SYT13: variants seen among roughly 807,000 people sequenced by gnomAD.
SYT13 encodes the protein synaptotagmin 13.
Under a neutral mutation model 38.6 loss-of-function variants are expected in SYT13, and 21 were observed. The ratio of observed to expected loss-of-function variants is 0.54; its 90% CI spans 0.39 to 0.78. SYT13 has a LOEUF of 0.78. Among genes scored for constraint, SYT13 ranks in the 30% least tolerant of loss-of-function variants. The probability of loss-of-function intolerance (pLI) is 0.00; values close to 1 mark genes in which losing one functional copy is unlikely to be tolerated. For synonymous variants in SYT13, 241 were observed against 237.6 expected, an observed-to-expected ratio of 1.01 and a Z score of -0.13; for missense variants, 495 against 548.7, an observed-to-expected ratio of 0.90 and a Z score of 0.98.
chr11:45,271,184 C>A (rs1328829241), intron 1 of SYT13, among the ~76,000 whole-genome samples: 1 of 152,154 alleles, frequency 6.6e-6, no homozygotes, highest in East Asian at 1.9e-4. Context: ...CAGCTTAGGG[C>A]TCCAGGAAGC....
intron 1 of SYT13, among the ~76,000 whole-genome samples, chr11:45,269,134 T>A (rs950394370): frequency 6.6e-6 from 1 of 152,042 alleles, no homozygotes; most frequent in Non-Finnish European, 1.5e-5. Flanking sequence ...TTGGGCACCC[T>A]GAAGTCTGAC....
intron 2 of SYT13, chr11:45,254,664 T>C: frequency 5.2e-6 from 2 of 381,266 alleles, no homozygotes; most frequent in Non-Finnish European, 4.6e-6. Flanking sequence ...CCCTGCTTTA[T>C]GTTTTGTCTT....
intron 1 of SYT13, among the ~76,000 whole-genome samples, chr11:45,265,498 C>A (rs1854870981): frequency 6.6e-6 from 1 of 152,206 alleles, no homozygotes; most frequent in Non-Finnish European, 1.5e-5. Flanking sequence ...GTAGCTTCGA[C>A]AACAAATGTT....
Position 45,243,885 on chromosome 11 carries a change from T to G in SYT13, c.*167A>C. The G allele has an allele frequency of 2.8e-6, 2 of 703,106 alleles. No homozygotes were observed. The highest frequency in any genetic ancestry group is 3.8e-5 in the South Asian group (2 of 52,560). 43.6% of individuals were successfully genotyped at this position (703,106 alleles called of 1,614,324 possible). ...GACCCGCATATTCCATTTCCTGCTC[T>G]GTCTTGCTTATTTCTAAGAAACAAG... On this transcript the variant is annotated 3_prime_UTR_variant, in exon 6 of 6. Transcript: ENST00000020926.
chr11:45,270,966 C>T (rs1854942223), intron 1 of SYT13, among the ~76,000 whole-genome samples: 1 of 152,204 alleles, frequency 6.6e-6, no homozygotes, highest in Admixed American at 6.5e-5. Context: ...CTGCCAATCA[C>T]CTGTTCACCC....
At chr11:45,250,914 A>T (rs1393478345) in intron 4 of SYT13, among the ~76,000 whole-genome samples, 1 of 152,064 alleles carries the variant, frequency 6.6e-6, no homozygotes, top group African/African-American at 2.4e-5. Context: ...AGTCAGACCA[A>T]CCCGGCCTCA....
chr11:45,265,055 C>T (rs573318102), intron 1 of SYT13, among the ~76,000 whole-genome samples: 8 of 152,348 alleles, frequency 5.3e-5, no homozygotes, highest in South Asian at 2.1e-4. Flanking sequence ...CTGAGAGCAA[C>T]GTGACTCATC....
chr11:45,261,552 C>T (rs1462116575), intron 1 of SYT13, among the ~76,000 whole-genome samples: 2 of 151,700 alleles, frequency 1.3e-5, no homozygotes, highest in East Asian at 3.9e-4. Flanking sequence ...GAGCTGAGAT[C>T]GCGCCACTGC....
chr11:45,273,471 G>A (rs1175797811), intron 1 of SYT13, among the ~76,000 whole-genome samples: 1 of 148,166 alleles, frequency 6.7e-6, no homozygotes, highest in Non-Finnish European at 1.5e-5. Flanking sequence ...TGTGGAGGGG[G>A]AGAAAATGGG....
intron 1 of SYT13, among the ~76,000 whole-genome samples, chr11:45,274,065 A>T (rs1009795515): frequency 6.6e-6 from 1 of 152,138 alleles, no homozygotes; most frequent in Non-Finnish European, 1.5e-5. Flanking sequence ...TGGCTAGGAG[A>T]TGGTGGAGTC....
At chr11:45,273,713 A>G (rs1008814849) in intron 1 of SYT13, among the ~76,000 whole-genome samples, 2 of 152,242 alleles carry the variant, frequency 1.3e-5, no homozygotes, top group African/African-American at 4.8e-5. Context: ...CATAGCAGGT[A>G]TGCAAGACAT....
chr11:45,252,568 C>T lies in SYT13; in HGVS notation c.699G>A (p.Glu233=). 6.2e-7 allele frequency: 1 copy of T among 1,614,092 alleles called. No individual in the cohort carries two copies. The highest frequency in any genetic ancestry group is 8.5e-7 in the Non-Finnish European group (1 of 1,180,034). The change falls in exon 4 of 6, where the codon GAG becomes GAA. Residue 233 remains glutamate, a synonymous_variant. Transcript: ENST00000020926. The surrounding 1 kb of genome is among the most constrained non-coding windows in gnomAD (Gnocchi z 4.3). ...TCAGCGTCAGGGTGGCTGTGGGGAG[C>T]TCCTCCTCCGCCAGGGGGAGCACCA... ...EGLVLPLAEE[E]LPTATLTLTL...
intron 4 of SYT13, among the ~76,000 whole-genome samples, chr11:45,251,485 T>A (rs1215792388): frequency 6.6e-6 from 1 of 151,332 alleles, no homozygotes; most frequent in African/African-American, 2.4e-5. Context: ...GGGGCTAATA[T>A]AATAACACCT....
chr11:45,279,988 C>T (rs937759262), intron 1 of SYT13, among the ~76,000 whole-genome samples: 3 of 152,158 alleles, frequency 2.0e-5, no homozygotes, highest in African/African-American at 7.2e-5. Flanking sequence ...TCCCATGGCA[C>T]CCTGTGCTTC....
rs1854884730 is a variant in SYT13 at position 45,266,595 on chromosome 11, CTG to C, written c.184-10706_184-10705del. Among the ~76,000 whole-genome samples, 6 of 152,004 alleles carry C rather than the reference CTG, an allele frequency of 3.9e-5. No homozygotes were observed. In the South Asian group the frequency reaches 1.0e-3, roughly 26 times the overall value. On this transcript the variant is annotated intron_variant, in intron 1 of 5. Transcript: ENST00000020926. ...GTCCATTACATCAAGCTGTAAGAAA[CTG>C]AGAGAGATCCTCATTTTGCTCATTT... is the stretch of plus-strand genomic sequence containing the variant.
chr11:45,250,105 G>GGCGAGGACTGCCT, intron 4 of SYT13, among the ~76,000 whole-genome samples: 1 of 152,218 alleles, frequency 6.6e-6, no homozygotes, highest in East Asian at 1.9e-4. Flanking sequence ...CCTCTAGCTG[G>GGCGAGGACTGCCT]GGCGAGGGGC....
At chr11:45,263,509 G>T (rs1206825393) in intron 1 of SYT13, among the ~76,000 whole-genome samples, 1 of 152,134 alleles carries the variant, frequency 6.6e-6, no homozygotes. Context: ...GGTCATCTTT[G>T]CTCCTTAAAC....
intron 1 of SYT13, among the ~76,000 whole-genome samples, chr11:45,262,762 CACACACAA>C (rs71038841): frequency 0.28 from 37,468 of 135,940 alleles, 5,463 homozygotes; most frequent in South Asian, 0.33. Flanking sequence ...CACACACACA[CACACACAA>C]ATTGAACTGT....
In SYT13 at chr11:45,254,425, G is replaced by T. The variant is rs760112261; in HGVS notation, c.410-21C>A. On this transcript the variant is annotated intron_variant, in intron 2 of 5. Transcript: ENST00000020926. ...CACACCTGTTAAGAAAGTCGAAATC[G>T]TCACTGCCACCCACACTGGGGTTCT... 10 of 1,607,080 alleles carry T rather than the reference G, an allele frequency of 6.2e-6. No homozygotes were observed. The African/African-American group carries it at 1.3e-4, about 22-fold the overall frequency.
Sources: gnomAD v4.1 joint callset for allele counts (sites outside exome capture counted in the v4.1 genomes callset) on GRCh38, gnomAD v4.1.1 for gene constraint, Gnocchi (gnomAD v3.1) non-coding constraint, MANE v1.5 for transcripts, NCBI Gene and HGNC (gene_info 2026-07-23, HGNC 2026-07-21) for gene names.